Variants in DPP10 observed in about 807,000 individuals in gnomAD.
DPP10 encodes inactive dipeptidyl peptidase 10.
DPP10 carries 33 observed loss-of-function variants against 120.9 expected under a neutral mutation model. The observed-to-expected ratio is 0.27, with a 90% confidence interval of 0.21 to 0.37. The LOEUF is 0.37. DPP10 is among the 10% of genes least tolerant of loss of function. The pLI is 1.00. For missense variants in DPP10, 816 were observed against 942.8 expected (o/e 0.87, Z 1.76); for synonymous variants, 337 against 326.1 (o/e 1.03, Z -0.36).
chr2:114,488,200 C>T (rs941244786), intron 1 of DPP10, among the ~76,000 whole-genome samples: 4 of 152,152 alleles, frequency 2.6e-5, no homozygotes, highest in Non-Finnish European at 4.4e-5. Context: ...TCATTTGTTG[C>T]CCCTGGCTGA....
chr2:115,571,548 G>T (rs2081338749), intron 5 of DPP10, among the ~76,000 whole-genome samples: 1 of 152,136 alleles, frequency 6.6e-6, no homozygotes. Context: ...AATCAGAGAT[G>T]CAATGTGTAG....
intron 1 of DPP10, among the ~76,000 whole-genome samples, chr2:115,133,821 T>C (rs2050509492): frequency 7.4e-6 from 1 of 134,940 alleles, no homozygotes; most frequent in African/African-American, 2.5e-5. Flanking sequence ...TGTGAAGTTA[T>C]CTTCCAGCTA....
chr2:114,913,612 C>T (rs751076171), intron 1 of DPP10, among the ~76,000 whole-genome samples: 5 of 152,152 alleles, frequency 3.3e-5, no homozygotes, highest in African/African-American at 7.2e-5. Flanking sequence ...GACACTTCAG[C>T]CCAAATAGAT....
intron 1 of DPP10, among the ~76,000 whole-genome samples, chr2:114,592,351 T>A (rs915333875): frequency 6.6e-6 from 1 of 152,200 alleles, no homozygotes; most frequent in Non-Finnish European, 1.5e-5. Flanking sequence ...TAAAGAGATA[T>A]GGCATCTGGG....
At chr2:115,335,425 C>T (rs780421016) in intron 2 of DPP10, among the ~76,000 whole-genome samples, 3 of 151,808 alleles carry the variant, frequency 2.0e-5, no homozygotes, top group Non-Finnish European at 4.4e-5. Flanking sequence ...AGTTAGGAAA[C>T]ATTAAGAAAC....
At chr2:114,554,593 C>G (rs575588255) in intron 1 of DPP10, among the ~76,000 whole-genome samples, 1 of 152,274 alleles carries the variant, frequency 6.6e-6, no homozygotes, top group East Asian at 1.9e-4. Context: ...CTACCCTACA[C>G]CCCTCAACTT....
At chr2:114,677,725 G>A (rs1384289902) in intron 1 of DPP10, among the ~76,000 whole-genome samples, 2 of 152,100 alleles carry the variant, frequency 1.3e-5, no homozygotes, top group African/African-American at 4.8e-5. Context: ...TCTACACGCT[G>A]CAGATAACAA....
chr2:114,795,160 A>G (rs1683595919), intron 1 of DPP10, among the ~76,000 whole-genome samples: 1 of 152,122 alleles, frequency 6.6e-6, no homozygotes, highest in Non-Finnish European at 1.5e-5. Context: ...TTGGATAAGG[A>G]GACCTTTTTC....
At chr2:115,048,938 G>C (rs1047243473) in intron 1 of DPP10, among the ~76,000 whole-genome samples, 5 of 151,952 alleles carry the variant, frequency 3.3e-5, no homozygotes, top group Admixed American at 2.6e-4. Flanking sequence ...GTATTCTTCT[G>C]TTTGCCCAGT....
intron 1 of DPP10, among the ~76,000 whole-genome samples, chr2:115,068,891 C>A (rs959019076): frequency 6.6e-6 from 1 of 152,064 alleles, no homozygotes; most frequent in Non-Finnish European, 1.5e-5. Flanking sequence ...GGATTTATTT[C>A]TGGGCTCTCT....
intron 5 of DPP10, among the ~76,000 whole-genome samples, chr2:115,535,145 T>C (rs1414376567): frequency 2.0e-5 from 3 of 152,104 alleles, no homozygotes; most frequent in African/African-American, 7.2e-5. Flanking sequence ...TTTTGCCTTT[T>C]GTTGCCATTG....
chr2:115,643,182 GA>G, intron 5 of DPP10, among the ~76,000 whole-genome samples: 1 of 152,060 alleles, frequency 6.6e-6, no homozygotes, highest in Non-Finnish European at 1.5e-5. Flanking sequence ...AATATTCAGT[GA>G]AATTGATGAC....
intron 1 of DPP10, among the ~76,000 whole-genome samples, chr2:114,709,318 C>G (rs1448595591): frequency 6.6e-6 from 1 of 152,164 alleles, no homozygotes; most frequent in Non-Finnish European, 1.5e-5. Flanking sequence ...CCTCTTTCCT[C>G]TCTCTCTCCA....
At chr2:115,225,787 GA>G (rs978850741) in intron 1 of DPP10, among the ~76,000 whole-genome samples, 8 of 151,614 alleles carry the variant, frequency 5.3e-5, no homozygotes, top group South Asian at 2.1e-4. Flanking sequence ...ATTTTTGTGG[GA>G]AAAAAATTGA....
At chr2:115,248,038 A>G (rs1224427549) in intron 1 of DPP10, among the ~76,000 whole-genome samples, 3 of 152,106 alleles carry the variant, frequency 2.0e-5, no homozygotes, top group Non-Finnish European at 4.4e-5. Flanking sequence ...GATATTTTCC[A>G]TCATTGACTG....
At chr2:115,246,153 G>A (rs561964696) in intron 1 of DPP10, among the ~76,000 whole-genome samples, 3 of 151,464 alleles carry the variant, frequency 2.0e-5, no homozygotes, top group African/African-American at 4.8e-5. Flanking sequence ...CTTTTTTGGG[G>A]TAAAAAAAAA....
intron 1 of DPP10, among the ~76,000 whole-genome samples, chr2:114,981,059 A>C (rs1700059918): frequency 1.3e-5 from 2 of 151,554 alleles, no homozygotes; most frequent in African/African-American, 4.8e-5. Flanking sequence ...GTGTTATCAT[A>C]TACTATTGAT....
intron 1 of DPP10, among the ~76,000 whole-genome samples, chr2:115,130,141 C>T (rs1315046576): frequency 6.6e-6 from 1 of 152,168 alleles, no homozygotes; most frequent in Admixed American, 6.5e-5. Context: ...GGTCTGCCTC[C>T]CCTATAGTTA....
chr2:115,323,608 C>T (rs977528458), intron 2 of DPP10, among the ~76,000 whole-genome samples: 1 of 152,154 alleles, frequency 6.6e-6, no homozygotes, highest in Admixed American at 6.5e-5. Context: ...GCAGCCTTAT[C>T]AAATGTAATT....
Sources: gnomAD v4.1 joint callset for allele counts (sites outside exome capture counted in the v4.1 genomes callset) on GRCh38, gnomAD v4.1.1 for gene constraint, MANE v1.5 for transcripts, NCBI Gene and HGNC (gene_info 2026-07-23, HGNC 2026-07-21) for gene names.